The following CFAP43 variants were observed in gnomAD, a reference collection of about 807,000 sequenced individuals.
The protein encoded by CFAP43 is cilia and flagella associated protein 43, also known as cilia- and flagella-associated protein 43.
A neutral mutation model predicts 218.9 loss-of-function variants in CFAP43; 155 were observed. The ratio of observed to expected loss-of-function variants is 0.71; its 90% CI spans 0.62 to 0.81. The LOEUF is 0.81. Ranked by LOEUF, CFAP43 falls within the 30% of genes least tolerant of loss-of-function variation. The probability of loss-of-function intolerance (pLI) is 0.00; values close to 1 mark genes in which losing one functional copy is unlikely to be tolerated. For synonymous variants in CFAP43, 645 were observed against 681.3 expected (o/e 0.95, Z 0.83); for missense variants, 1,778 against 1,954.3 (o/e 0.91, Z 1.70).
At chr10:104,145,285 T>C (rs2087907269) in intron 31 of CFAP43, among the ~76,000 whole-genome samples, 191 bp downstream of exon 31, 1 of 152,222 alleles carries the variant, frequency 6.6e-6, no homozygotes, top group African/African-American at 2.4e-5. Context: ...AAATCATTAT[T>C]CTCTACCTTA....
At position 104,152,084 on chromosome 10, in the gene CFAP43, T is replaced by C. The variant is rs577594666; in HGVS notation, c.3660+523A>G. Among the ~76,000 whole-genome samples, 3 of 152,298 alleles carry C rather than the reference T, an allele frequency of 2.0e-5. No homozygotes were observed. In the South Asian group the frequency reaches 6.2e-4, roughly 32 times the overall value. ...TTTTTTCACCTGATCTTTTGGGACATGAGGATTACTTTTTCATTCAACATA... is the reference window on the plus strand; with the variant it reads ...TTTTTTCACCTGATCTTTTGGGACACGAGGATTACTTTTTCATTCAACATA... On this transcript the variant is annotated intron_variant, in intron 28 of 37. Transcript: ENST00000357060.
At chr10:104,131,905 G>A (rs570851779) in intron 36 of CFAP43, among the ~76,000 whole-genome samples, 1 of 152,264 alleles carries the variant, frequency 6.6e-6, no homozygotes, top group African/African-American at 2.4e-5. Flanking sequence ...GTCCCCAGGG[G>A]TTAATTCTAA....
chr10:104,203,879 A>G, intron 7 of CFAP43, 76 bp from the exon 8 acceptor site: 1 of 1,313,248 alleles, frequency 7.6e-7, no homozygotes, highest in Non-Finnish European at 1.0e-6. Context: ...AGACAAGCTA[A>G]GGCTTATTGA....
At chr10:104,152,837 G>A in intron 27 of CFAP43, 111 bp from the exon 28 acceptor site, 1 of 1,170,942 alleles carries the variant, frequency 8.5e-7, no homozygotes, top group East Asian at 2.4e-5. Flanking sequence ...GCCCTTGCAA[G>A]GTGTTCTGGG....
intron 27 of CFAP43, among the ~76,000 whole-genome samples, chr10:104,158,747 C>T (rs896896926): frequency 1.3e-5 from 2 of 151,870 alleles, no homozygotes; most frequent in Non-Finnish European, 2.9e-5. Context: ...GATAATTTTA[C>T]TGTGGTTATG....
chr10:104,159,924 A>G (rs942067713), intron 27 of CFAP43, among the ~76,000 whole-genome samples: 1 of 152,204 alleles, frequency 6.6e-6, no homozygotes, highest in African/African-American at 2.4e-5. Context: ...TTCGCATTCA[A>G]GTGTGAGAGC....
chr10:104,170,793 T>C (rs1035396721), intron 20 of CFAP43, among the ~76,000 whole-genome samples: 11 of 152,330 alleles, frequency 7.2e-5, no homozygotes, highest in African/African-American at 2.6e-4. Flanking sequence ...CATAGCTTCC[T>C]GTTGCACAGT....
At chr10:104,148,120 A>C in intron 28 of CFAP43, 122 bp from the exon 29 acceptor site, 1 of 456,640 alleles carries the variant, frequency 2.2e-6, no homozygotes, top group Non-Finnish European at 3.7e-6. Context: ...ATGTAAGAGA[A>C]ACATTTTAAA....
At chr10:104,142,072 A>T (rs1215579576) in intron 33 of CFAP43, among the ~76,000 whole-genome samples, 1 of 152,224 alleles carries the variant, frequency 6.6e-6, no homozygotes, top group Non-Finnish European at 1.5e-5. Flanking sequence ...GCTTATTTGT[A>T]ATAAGAGCAA....
At chr10:104,182,218 G>A (rs982071962) in intron 17 of CFAP43, 148 bp downstream of exon 17, 48 of 796,160 alleles carry the variant, frequency 6.0e-5, no homozygotes, top group Middle Eastern at 2.9e-4. Flanking sequence ...TCTCTCAGAC[G>A]TAGCTTATTC....
intron 36 of CFAP43, 64 bp downstream of exon 36, chr10:104,132,052 C>T: frequency 7.9e-7 from 1 of 1,261,892 alleles, no homozygotes; most frequent in Non-Finnish European, 1.1e-6. Context: ...ATTTGAAACA[C>T]TATTACTTTG....
intron 28 of CFAP43, among the ~76,000 whole-genome samples, chr10:104,150,933 C>T (rs182807363): frequency 1.2e-4 from 19 of 152,172 alleles, no homozygotes; most frequent in Non-Finnish European, 2.8e-4. Context: ...TCTGTTGTTC[C>T]CCTCTATGTG....
intron 32 of CFAP43, among the ~76,000 whole-genome samples, chr10:104,143,091 T>C (rs1425952179): frequency 6.6e-6 from 1 of 152,202 alleles, no homozygotes; most frequent in Non-Finnish European, 1.5e-5. Context: ...TAATGAGACA[T>C]ATTTCTTTTT....
intron 19 of CFAP43, among the ~76,000 whole-genome samples, chr10:104,174,114 A>T (rs571174558): frequency 3.9e-5 from 6 of 152,270 alleles, no homozygotes; most frequent in Non-Finnish European, 8.8e-5. Flanking sequence ...GTGACAAAAT[A>T]GTAGAACTAA....
intron 10 of CFAP43, 31 bp from the exon 11 acceptor site, chr10:104,194,045 C>T (rs1251971001): frequency 6.2e-7 from 1 of 1,607,508 alleles, no homozygotes; most frequent in Admixed American, 1.7e-5. Context: ...ATGCGTATCT[C>T]TATTGTGCCT....
chr10:104,201,618 C>A (rs542004938), intron 8 of CFAP43, among the ~76,000 whole-genome samples: 3 of 152,082 alleles, frequency 2.0e-5, no homozygotes, highest in Non-Finnish European at 2.9e-5. Flanking sequence ...CTCTGCCCCC[C>A]CCAACTTATA....
At chr10:104,217,506 C>T (rs932353309) in intron 3 of CFAP43, among the ~76,000 whole-genome samples, 2 of 152,186 alleles carry the variant, frequency 1.3e-5, no homozygotes, top group African/African-American at 2.4e-5. Context: ...CTACAGCACT[C>T]GCATGCTACA....
intron 7 of CFAP43, among the ~76,000 whole-genome samples, chr10:104,204,409 A>G (rs2090621103): frequency 6.6e-6 from 1 of 152,162 alleles, no homozygotes; most frequent in Non-Finnish European, 1.5e-5. Context: ...AATAGTGAAA[A>G]CACTCTGAGG....
intron 29 of CFAP43, among the ~76,000 whole-genome samples, chr10:104,147,232 T>C (rs568599164): frequency 2.0e-5 from 3 of 150,978 alleles, no homozygotes; most frequent in Non-Finnish European, 4.4e-5. Context: ...AGGGTTGCTA[T>C]ATGTAAAGTT....
Sources: gnomAD v4.1 joint callset for allele counts (sites outside exome capture counted in the v4.1 genomes callset) on GRCh38, gnomAD v4.1.1 for gene constraint, MANE v1.5 for transcripts, NCBI Gene and HGNC (gene_info 2026-07-23, HGNC 2026-07-21) for gene names.